TPD52: variants seen among roughly 807,000 people sequenced by gnomAD.
TPD52 encodes the protein prostate and colon associated protein.
Under a neutral mutation model 31.3 loss-of-function variants are expected in TPD52, and 17 were observed. That is an observed-to-expected ratio of 0.54 (90% CI 0.37 to 0.82). The LOEUF is 0.82. Ranked by LOEUF, TPD52 falls within the 40% of genes least tolerant of loss-of-function variation. The pLI is 0.00. For synonymous variants in TPD52, 83 were observed against 89.6 expected (o/e 0.93, Z 0.42); for missense variants, 212 against 240.1 (o/e 0.88, Z 0.77).
At chr8:80,109,730 G>C (rs12545071) in intron 1 of TPD52, among the ~76,000 whole-genome samples, 9,082 of 152,218 alleles carry the variant, frequency 0.06, 362 homozygotes, top group African/African-American at 0.11. Flanking sequence ...TAGAAACAAG[G>C]ATGACTACAG....
At chr8:80,153,690 A>G (rs1810737034) in intron 1 of TPD52, among the ~76,000 whole-genome samples, 1 of 152,204 alleles carries the variant, frequency 6.6e-6, no homozygotes, top group Admixed American at 6.5e-5. Context: ...TATATTATGG[A>G]GAGTCAGTAA....
chr8:80,129,460 C>A (rs985289088), intron 1 of TPD52, among the ~76,000 whole-genome samples: 45 of 152,148 alleles, frequency 3.0e-4, no homozygotes, highest in Non-Finnish European at 5.9e-4. Flanking sequence ...AATCCTTCTA[C>A]ACGGGACGTA....
At chr8:80,162,051 A>G (rs1232143914) in intron 1 of TPD52, among the ~76,000 whole-genome samples, 1 of 152,112 alleles carries the variant, frequency 6.6e-6, no homozygotes, top group Non-Finnish European at 1.5e-5. Flanking sequence ...TAAAACTGAC[A>G]TTTACATTTG....
intron 1 of TPD52, among the ~76,000 whole-genome samples, chr8:80,072,349 ATG>A (rs1430677072): frequency 1.4e-5 from 1 of 68,980 alleles, no homozygotes. Context: ...GTGTGTGTGT[ATG>A]TGTGTATATA....
chr8:80,032,277 G>T (rs1239873416), downstream of TPD52, among the ~76,000 whole-genome samples: 1 of 152,084 alleles, frequency 6.6e-6, no homozygotes, highest in Non-Finnish European at 1.5e-5. Context: ...AACTGAACAA[G>T]TCAATAGGGG....
At chr8:80,105,768 G>A (rs886900967) in intron 1 of TPD52, among the ~76,000 whole-genome samples, 14 of 134,496 alleles carry the variant, frequency 1.0e-4, no homozygotes, top group East Asian at 2.1e-4. Flanking sequence ...GTCTGGCTCC[G>A]TCACCCAGGC....
intron 1 of TPD52, among the ~76,000 whole-genome samples, chr8:80,125,280 C>T (rs1808523089): frequency 6.6e-6 from 1 of 152,142 alleles, no homozygotes; most frequent in Admixed American, 6.6e-5. Context: ...AGAGACTAGC[C>T]TAACCAAAAT....
At chr8:80,069,748 T>C (rs1813563027) in intron 1 of TPD52, among the ~76,000 whole-genome samples, 1 of 152,214 alleles carries the variant, frequency 6.6e-6, no homozygotes, top group South Asian at 2.1e-4. Flanking sequence ...CATCTTACAA[T>C]CTGTGGTGTC....
intron 1 of TPD52, among the ~76,000 whole-genome samples, chr8:80,169,670 AGTGT>A (rs1811948021): frequency 2.0e-5 from 3 of 152,226 alleles, no homozygotes; most frequent in African/African-American, 7.2e-5. Flanking sequence ...GTCAAACGAC[AGTGT>A]GTAACAGATT....
chr8:80,105,858 A>G (rs990199006), intron 1 of TPD52, among the ~76,000 whole-genome samples: 4 of 151,694 alleles, frequency 2.6e-5, no homozygotes, highest in Non-Finnish European at 5.9e-5. Context: ...CAGCCTCCCA[A>G]GTAGCTGGGA....
At chr8:80,160,275 C>G (rs1451665133) in intron 1 of TPD52, among the ~76,000 whole-genome samples, 3 of 152,106 alleles carry the variant, frequency 2.0e-5, no homozygotes, top group Non-Finnish European at 1.5e-5. Flanking sequence ...TTTTGTAGAG[C>G]TCTCCACATC....
chr8:80,072,798 C>CACACATATATAT (rs977939775), intron 1 of TPD52, among the ~76,000 whole-genome samples: 4 of 141,046 alleles, frequency 2.8e-5, no homozygotes, highest in African/African-American at 1.2e-4. Flanking sequence ...CACACACACA[C>CACACATATATAT]ATATATATAT....
At chr8:80,093,785 G>T (rs904913899) in intron 1 of TPD52, among the ~76,000 whole-genome samples, 3 of 152,080 alleles carry the variant, frequency 2.0e-5, no homozygotes, top group African/African-American at 7.2e-5. Flanking sequence ...AAAAGTGATA[G>T]CTTCACCATC....
chr8:80,041,093 T>C (rs1317621359), intron 7 of TPD52, among the ~76,000 whole-genome samples: 5 of 152,296 alleles, frequency 3.3e-5, no homozygotes, highest in South Asian at 2.1e-4. Context: ...AACGTTTGTA[T>C]GTTCAAGAAA....
chr8:80,067,989 A>C (rs566791685), intron 1 of TPD52, among the ~76,000 whole-genome samples: 2 of 152,314 alleles, frequency 1.3e-5, no homozygotes, highest in African/African-American at 4.8e-5. Context: ...AAAGGTGGAA[A>C]ATAAGAACAT....
At chr8:80,169,806 T>C (rs549161342) in intron 1 of TPD52, among the ~76,000 whole-genome samples, 285 of 152,292 alleles carry the variant, frequency 1.9e-3, no homozygotes, top group Non-Finnish European at 3.0e-3. Context: ...GCTAACAATA[T>C]ATACAAGACA....
intron 1 of TPD52, among the ~76,000 whole-genome samples, chr8:80,140,650 C>A (rs13279071): frequency 0.33 from 50,699 of 151,934 alleles, 9,895 homozygotes; most frequent in East Asian, 0.71. Flanking sequence ...GCACACCACA[C>A]ACAAACAAAT....
chr8:80,073,909 C>A (rs962394146), intron 1 of TPD52, among the ~76,000 whole-genome samples: 4 of 152,062 alleles, frequency 2.6e-5, no homozygotes, highest in African/African-American at 9.7e-5. Flanking sequence ...AGTGTGCAGT[C>A]AAAAGTACCA....
intron 1 of TPD52, among the ~76,000 whole-genome samples, chr8:80,113,947 C>T (rs1807683152): frequency 1.3e-5 from 2 of 152,124 alleles, no homozygotes; most frequent in Middle Eastern, 3.4e-3. Flanking sequence ...AAATAAGAGG[C>T]ATATATAAAA....
Sources: gnomAD v4.1 joint callset for allele counts (sites outside exome capture counted in the v4.1 genomes callset) on GRCh38, gnomAD v4.1.1 for gene constraint, MANE v1.5 for transcripts, NCBI Gene and HGNC (gene_info 2026-07-23, HGNC 2026-07-21) for gene names.